PLCE1: variants seen among roughly 807,000 people sequenced by gnomAD.
PLCE1 encodes the protein phospholipase C epsilon 1.
Under a neutral mutation model 242.8 loss-of-function variants are expected in PLCE1, and 119 were observed. That is an observed-to-expected ratio of 0.49 (90% CI 0.42 to 0.57). The LOEUF (loss-of-function observed/expected upper bound fraction) is 0.57. Ranked by LOEUF, PLCE1 falls within the 20% of genes least tolerant of loss-of-function variation. PLCE1 has a pLI of 0.00. For missense variants in PLCE1, 2,441 were observed against 2,788.8 expected (o/e 0.88, Z 2.81); for synonymous variants, 945 against 1,017.4 (o/e 0.93, Z 1.35).
intron 27 of PLCE1, among the ~76,000 whole-genome samples, chr10:94,312,697 T>TG (rs1253709516): frequency 6.6e-6 from 1 of 152,248 alleles, no homozygotes; most frequent in African/African-American, 2.4e-5. Flanking sequence ...CATTTGCCCC[T>TG]GATTTTCTAG....
intron 2 of PLCE1, among the ~76,000 whole-genome samples, chr10:94,124,381 GAAA>G (rs981911349): frequency 1.7e-5 from 1 of 58,576 alleles, no homozygotes; most frequent in African/African-American, 5.5e-5. Context: ...TTGTCTCAGA[GAAA>G]AAAAAAAAAA....
At chr10:94,321,760 G>A (rs994457174) in intron 29 of PLCE1, 141 bp from the exon 30 acceptor site, 2 of 653,440 alleles carry the variant, frequency 3.1e-6, no homozygotes, top group African/African-American at 1.8e-5. Context: ...AACAGTTTAT[G>A]AAATAATAAC....
chr10:94,005,989 G>A (rs1216717349), intron 1 of PLCE1, among the ~76,000 whole-genome samples: 1 of 152,306 alleles, frequency 6.6e-6, no homozygotes, highest in South Asian at 2.1e-4. Context: ...CATGTTGATA[G>A]GTTGTACAAA....
intron 2 of PLCE1, among the ~76,000 whole-genome samples, chr10:94,040,291 G>C (rs1399110341): frequency 6.6e-6 from 1 of 152,116 alleles, no homozygotes; most frequent in Non-Finnish European, 1.5e-5. Context: ...AACTTCTCCA[G>C]ATTCTCCCAA....
At chr10:94,296,105 G>A (rs182032214) in intron 23 of PLCE1, among the ~76,000 whole-genome samples, 2 of 152,250 alleles carry the variant, frequency 1.3e-5, no homozygotes, top group East Asian at 1.9e-4. Context: ...GCTCATGCCT[G>A]TAATCCCAGC....
intron 27 of PLCE1, among the ~76,000 whole-genome samples, chr10:94,312,762 A>T (rs1426899524): frequency 6.6e-6 from 1 of 152,242 alleles, no homozygotes; most frequent in African/African-American, 2.4e-5. Flanking sequence ...TTTATTTCAA[A>T]TGAATATATC....
At chr10:94,082,222 A>G (rs1241571344) in intron 2 of PLCE1, 1 of 152,238 alleles carries the variant, frequency 6.6e-6, no homozygotes, top group African/African-American at 2.4e-5. Flanking sequence ...ACAAGGTGAA[A>G]TAAGAAGATG....
At chr10:94,232,260 A>G (rs1339739923) in intron 5 of PLCE1, among the ~76,000 whole-genome samples, 1 of 152,156 alleles carries the variant, frequency 6.6e-6, no homozygotes, top group East Asian at 1.9e-4. Flanking sequence ...TGTCTTATAT[A>G]TTACACAGTG....
chr10:94,254,676 T>C (rs1464265656), intron 10 of PLCE1, among the ~76,000 whole-genome samples: 2 of 152,210 alleles, frequency 1.3e-5, no homozygotes. Flanking sequence ...CTGGACATCT[T>C]ATTTATTTTT....
chr10:94,282,438 C>T (rs1306337010), intron 20 of PLCE1, among the ~76,000 whole-genome samples: 2 of 152,024 alleles, frequency 1.3e-5, no homozygotes, highest in Admixed American at 6.6e-5. Context: ...TACAACTTAA[C>T]GCAGACATAT....
At chr10:94,006,416 G>A (rs998452938) in intron 1 of PLCE1, among the ~76,000 whole-genome samples, 12 of 152,180 alleles carry the variant, frequency 7.9e-5, no homozygotes, top group East Asian at 3.9e-4. Flanking sequence ...TGGAAAAACC[G>A]TGAGCTATGG....
intron 19 of PLCE1, 125 bp from the exon 20 acceptor site, chr10:94,279,657 C>T (rs1437683340): frequency 4.7e-6 from 5 of 1,057,866 alleles, no homozygotes; most frequent in Non-Finnish European, 7.3e-6. Context: ...TTCTCCTCTC[C>T]CAAATGTATC....
intron 7 of PLCE1, among the ~76,000 whole-genome samples, chr10:94,238,016 T>C (rs557048030): frequency 6.6e-6 from 1 of 152,332 alleles, no homozygotes; most frequent in Non-Finnish European, 1.5e-5. Flanking sequence ...TCCTTTGGTT[T>C]ACCCCACCTA....
At position 94,031,052 on chromosome 10, in the gene PLCE1, T is replaced by G; in HGVS notation, c.6T>G (p.Thr2=). 7.4e-6 allele frequency: 12 copies of G among 1,613,672 alleles called. No individual in the cohort carries two copies. Among genetic ancestry groups the G allele is most frequent in the Non-Finnish European group, 1.0e-5 (12 of 1,179,674 alleles). ...AACCTGTGTGTTAGTCCAAGATGAC[T>G]TCTGAAGAAATGACAGCTTCTGTTC... The part of the protein sequence containing the change: M[T]SEEMTASVLI... Residue 2 remains threonine (T), a synonymous_variant, in exon 2 of 33, where the codon ACT becomes ACG. Coordinates refer to ENST00000371380, the MANE Select transcript of PLCE1 (RefSeq NM_016341.4).
intron 1 of PLCE1, among the ~76,000 whole-genome samples, chr10:94,024,790 AG>A (rs1484896586): frequency 6.6e-6 from 1 of 152,166 alleles, no homozygotes; most frequent in Non-Finnish European, 1.5e-5. Context: ...TCTAGGAATT[AG>A]TGACTATAAC....
chr10:94,095,344 C>G (rs1335770166), intron 2 of PLCE1, among the ~76,000 whole-genome samples: 1 of 152,030 alleles, frequency 6.6e-6, no homozygotes, highest in African/African-American at 2.4e-5. Flanking sequence ...TTCTTTCTTT[C>G]TTTCAATTGT....
chr10:94,326,281 AT>A (rs754487053), intron 32 of PLCE1, among the ~76,000 whole-genome samples: 85 of 152,334 alleles, frequency 5.6e-4, no homozygotes, highest in Non-Finnish European at 1.1e-3. Context: ...GAAACTCACA[AT>A]TAAAGAACTC....
intron 7 of PLCE1, among the ~76,000 whole-genome samples, chr10:94,245,339 T>A (rs886852746): frequency 6.6e-6 from 1 of 152,184 alleles, no homozygotes; most frequent in African/African-American, 2.4e-5. Flanking sequence ...ACACGGTTCC[T>A]GACACAAGAA....
At chr10:94,054,452 C>G (rs2043846543) in intron 2 of PLCE1, among the ~76,000 whole-genome samples, 1 of 152,118 alleles carries the variant, frequency 6.6e-6, no homozygotes, top group South Asian at 2.1e-4. Flanking sequence ...CATCAGCCTG[C>G]TGAAAGGGAA....
Sources: allele counts gnomAD v4.1 joint callset (sites outside exome capture counted in the v4.1 genomes callset), GRCh38; gene constraint gnomAD v4.1.1; transcripts MANE v1.5; gene names NCBI Gene and HGNC (gene_info 2026-07-23, HGNC 2026-07-21).